The following ANKRD29 variants were observed in gnomAD, a reference collection of about 807,000 sequenced individuals.
ANKRD29 encodes the protein ankyrin repeat domain-containing protein 29.
In ANKRD29, 32 loss-of-function variants were observed where a neutral mutation model predicts 38.0. The ratio of observed to expected loss-of-function variants is 0.84; its 90% CI spans 0.64 to 1.13. The LOEUF (loss-of-function observed/expected upper bound fraction) is 1.13, where lower values mean the gene tolerates loss of function less well. ANKRD29 is among the 50% of genes most tolerant of loss of function. The probability of loss-of-function intolerance (pLI) is 0.00; values close to 1 mark genes in which losing one functional copy is unlikely to be tolerated. For missense variants in ANKRD29, 357 were observed against 377.9 expected (o/e 0.94, Z 0.46); for synonymous variants, 135 against 152.4 (o/e 0.89, Z 0.84).
rs142831550 is a variant in ANKRD29, at chr18:23,644,192, T to C, written c.231+1997A>G. Among the ~76,000 whole-genome samples, 234 of 152,340 alleles carry C rather than the reference T, an allele frequency of 1.5e-3. 2 individuals carry two copies. The highest frequency in any genetic ancestry group is 4.2e-3 in the African/African-American group (174 of 41,580). ...AACCAAATGGATAAATATAAAACCA[T>C]AGAAACCATAGACTGGCTAGAAATC... On this transcript the variant is annotated intron_variant, in intron 3 of 9. Coordinates refer to ENST00000592179, the MANE Select transcript of ANKRD29 (RefSeq NM_173505.4).
At chr18:23,630,678 C>T (rs2059919506) in intron 5 of ANKRD29, among the ~76,000 whole-genome samples, 1 of 151,638 alleles carries the variant, frequency 6.6e-6, no homozygotes, top group Admixed American at 6.6e-5. Context: ...TATAATTTTC[C>T]ATCTCCATCT....
chr18:23,624,466 C>CAAAAAAAAAAAAAAAAAA (rs56005663), intron 6 of ANKRD29, among the ~76,000 whole-genome samples: 5 of 32,438 alleles, frequency 1.5e-4, no homozygotes, highest in South Asian at 1.6e-3. Flanking sequence ...GACTCCATCT[C>CAAAAAAAAAAAAAAAAAA]AAAAAAAAAA....
chr18:23,646,172 T>G lies in ANKRD29; in HGVS notation c.231+17A>C, dbSNP rs202118163. On this transcript the variant is annotated intron_variant, in intron 3 of 9. Transcript: ENST00000592179. The stretch of plus-strand genomic sequence containing the variant: ...CTGAGCCTGGTCATTTTTCTTCAAG[T>G]GCAAAGCCTGACCTACCTCTCTCTG... 35 of 1,612,828 alleles carry G rather than the reference T, an allele frequency of 2.2e-5. No individual in the cohort carries two copies. Among genetic ancestry groups the G allele is most frequent in the Non-Finnish European group, 3.0e-5 (35 of 1,179,134 alleles).
At chr18:23,606,357 C>T (rs188358201) in intron 9 of ANKRD29, among the ~76,000 whole-genome samples, 4 of 152,280 alleles carry the variant, frequency 2.6e-5, no homozygotes, top group East Asian at 3.9e-4. Flanking sequence ...TGGCTTCAAG[C>T]GATCCTGCTG....
chr18:23,661,798 G>C (rs1253380442), intron 1 of ANKRD29, among the ~76,000 whole-genome samples: 1 of 152,140 alleles, frequency 6.6e-6, no homozygotes, highest in Non-Finnish European at 1.5e-5. Context: ...TTCTTAAAAA[G>C]ATGACAACAT....
intron 6 of ANKRD29, among the ~76,000 whole-genome samples, chr18:23,629,425 T>C (rs2059902023): frequency 6.6e-6 from 1 of 152,264 alleles, no homozygotes; most frequent in Admixed American, 6.5e-5. Context: ...TGGGCTCCTC[T>C]TTGGCTTGGT....
intron 9 of ANKRD29, among the ~76,000 whole-genome samples, chr18:23,604,093 C>T (rs2059547003): frequency 1.3e-5 from 2 of 152,144 alleles, no homozygotes; most frequent in Non-Finnish European, 1.5e-5. Context: ...GCGCCTGCCT[C>T]GGCCTCCCAA....
intron 1 of ANKRD29, among the ~76,000 whole-genome samples, chr18:23,657,492 C>T (rs1297240061): frequency 6.6e-6 from 1 of 152,176 alleles, no homozygotes; most frequent in South Asian, 2.1e-4. Context: ...CCTTTCAAAG[C>T]ATACAATCCA....
intron 4 of ANKRD29, 136 bp downstream of exon 4, chr18:23,638,713 G>T: frequency 1.4e-6 from 1 of 694,426 alleles, no homozygotes; most frequent in Non-Finnish European, 2.3e-6. Flanking sequence ...AAGTAACCTT[G>T]AGGAAATCCA....
intron 1 of ANKRD29, among the ~76,000 whole-genome samples, chr18:23,651,539 T>A (rs565134392): frequency 6.6e-6 from 1 of 152,202 alleles, no homozygotes; most frequent in East Asian, 1.9e-4. Context: ...GACAATGTAA[T>A]ATGCACCAGG....
In ANKRD29 at chr18:23,630,404, CA is replaced by C. The variant is rs370638472; in HGVS notation, c.430-454del. Among the ~76,000 whole-genome samples the C allele has an allele frequency of 7.3e-4, 111 of 151,416 alleles. 3 individuals are homozygous for C. The South Asian group carries it at 0.023, about 31-fold the overall frequency. On this transcript the variant is annotated intron_variant, in intron 5 of 9. Transcript: ENST00000592179. ...TCGCGCCACTTCATTCCAGCCTGGG[CA>C]AAAGAGCAAAACTCCTCCTCAAAAA...
chr18:23,655,820 G>A (rs1290854233), intron 1 of ANKRD29, among the ~76,000 whole-genome samples: 1 of 149,244 alleles, frequency 6.7e-6, no homozygotes, highest in Non-Finnish European at 1.5e-5. Context: ...CTGGCCGGGC[G>A]CGGTGGCTCA....
At chr18:23,627,605 T>C (rs2059878056) in intron 6 of ANKRD29, among the ~76,000 whole-genome samples, 1 of 152,204 alleles carries the variant, frequency 6.6e-6, no homozygotes, top group Non-Finnish European at 1.5e-5. Context: ...ATATAATCTC[T>C]TATATCGACT....
chr18:23,609,642 T>C (rs2145637328), intron 9 of ANKRD29, among the ~76,000 whole-genome samples: 1 of 152,340 alleles, frequency 6.6e-6, no homozygotes, highest in South Asian at 2.1e-4. Flanking sequence ...TAACCATTAT[T>C]GTTGGTAGTT....
chr18:23,620,170 G>C (rs555512742), intron 6 of ANKRD29, among the ~76,000 whole-genome samples: 2 of 152,248 alleles, frequency 1.3e-5, no homozygotes, highest in East Asian at 3.9e-4. Context: ...CTGCGGGTCA[G>C]AGAACTCAAG....
chr18:23,647,334 T>A (rs1180388512), intron 2 of ANKRD29: 1 of 152,238 alleles, frequency 6.6e-6, no homozygotes, highest in Non-Finnish European at 1.5e-5. Flanking sequence ...TGGTAGATAT[T>A]CGTTCAGTAA....
In ANKRD29 at chr18:23,599,688, A is replaced by C. The variant is rs2145619638; in HGVS notation, c.*1538T>G. ...GCAACAGAGAGCTTTCTAATATTTT[A>C]TCCTAGAATCAGGTTGCAGGCTTTT... On this transcript the variant is annotated 3_prime_UTR_variant, in exon 10 of 10. Coordinates refer to ENST00000592179, the MANE Select transcript of ANKRD29 (RefSeq NM_173505.4). 1 of 152,338 alleles carries C rather than the reference A, an allele frequency of 6.6e-6. No individual in the cohort carries two copies. Among genetic ancestry groups the C allele is most frequent in the South Asian group, 2.1e-4 (1 of 4,830 alleles). 9.4% of individuals were successfully genotyped at this position (152,338 alleles called of 1,614,324 possible). A position where few individuals can be genotyped will look rare whatever the true frequency, so the allele number is the denominator to read the frequency against.
At chr18:23,634,726 A>G (rs886064857) in intron 4 of ANKRD29, among the ~76,000 whole-genome samples, 1 of 152,184 alleles carries the variant, frequency 6.6e-6, no homozygotes, top group African/African-American at 2.4e-5. Context: ...TTTATTGTGA[A>G]TTAATTTAGA....
At chr18:23,608,041 A>T (rs774641269) in intron 9 of ANKRD29, among the ~76,000 whole-genome samples, 5 of 152,218 alleles carry the variant, frequency 3.3e-5, no homozygotes, top group Non-Finnish European at 5.9e-5. Flanking sequence ...CTAGCTGAGA[A>T]GTCACTTTCT....
Sources: gnomAD v4.1 joint callset for allele counts (sites outside exome capture counted in the v4.1 genomes callset) on GRCh38, gnomAD v4.1.1 for gene constraint, MANE v1.5 for transcripts, NCBI Gene and HGNC (gene_info 2026-07-23, HGNC 2026-07-21) for gene names.